Variants in RSU1 observed in about 807,000 individuals in gnomAD.
RSU1 encodes rsu-1.
RSU1 carries 26 observed loss-of-function variants against 31.1 expected under a neutral mutation model. That is an observed-to-expected ratio of 0.84 (90% CI 0.61 to 1.16). RSU1 has a LOEUF of 1.16. Among genes scored for constraint, RSU1 ranks in the 50% most tolerant of loss-of-function variants. RSU1 has a pLI of 0.00. For missense variants in RSU1, 320 were observed against 339.1 expected (o/e 0.94, Z 0.44); for synonymous variants, 164 against 136.3 (o/e 1.20, Z -1.41).
Position 16,645,970 on chromosome 10 carries a change from ATATATG to A in RSU1, c.731+49047_731+49052del, listed in dbSNP as rs1564298466. On this transcript the variant is annotated intron_variant, in intron 8 of 8. Coordinates refer to ENST00000345264, the MANE Select transcript of RSU1 (RefSeq NM_012425.4). ...TATGTGTATATACATATATGTGTATATATATGTGTATATACATATATGTGTATATAT... is the reference window on the plus strand; with the variant it reads ...TATGTGTATATACATATATGTGTATATGTATATACATATATGTGTATATAT... Among the ~76,000 whole-genome samples the A allele has an allele frequency of 1.8e-4, 14 of 76,910 alleles. 4 individuals carry two copies. The highest frequency in any genetic ancestry group is 7.1e-4 in the African/African-American group (9 of 12,624). The allele number at this position is 76,910 out of a possible 152,430, so 50.5% of individuals were successfully genotyped here.
intron 7 of RSU1, among the ~76,000 whole-genome samples, chr10:16,745,081 G>A (rs1003201603): frequency 6.6e-6 from 1 of 152,198 alleles, no homozygotes; most frequent in Non-Finnish European, 1.5e-5. Context: ...CCTGTCAAAA[G>A]GGTGGGGCTG....
chr10:16,695,158 G>GGGGA lies in RSU1; in HGVS notation c.599-4_599-3insTCCC. 3 of 847,688 alleles carry GGGGA rather than the reference G, an allele frequency of 3.5e-6. No homozygotes were observed. The highest frequency in any genetic ancestry group is 4.9e-6 in the Non-Finnish European group (3 of 609,508). The allele number at this position is 847,688 out of a possible 1,614,324, so 52.5% of individuals were successfully genotyped here. A position where few individuals can be genotyped will look rare whatever the true frequency, so the allele number is the denominator to read the frequency against. On this transcript the variant is annotated splice_polypyrimidine_tract_variant and splice_region_variant and intron_variant, in intron 7 of 8. Transcript: ENST00000345264. Reference sequence around the variant, plus strand: ...CTGGCCAGTTAAATCCAAGTTTCCTGGGGGGGGGGAAAAAAAAAGTGAAGG... The same window carrying GGGGA: ...CTGGCCAGTTAAATCCAAGTTTCCTGGGGAGGGGGGGGGAAAAAAAAAGTGAAGG...
rs934893649 is a variant in RSU1, at chr10:16,593,099, A to G, written c.*295T>C. 3 of 276,562 alleles carry G rather than the reference A, an allele frequency of 1.1e-5. No homozygotes were observed. The highest frequency in any genetic ancestry group is 2.0e-5 in the Non-Finnish European group (3 of 148,534). 17.1% of individuals were successfully genotyped at this position (276,562 alleles called of 1,614,324 possible). On this transcript the variant is annotated 3_prime_UTR_variant, in exon 9 of 9. Transcript: ENST00000345264. The stretch of plus-strand genomic sequence containing the variant: ...TCTTTTGATAATAAGCAACCTTGTG[A>G]TATCTATTCAAGAAAAGCCAGAGCC...
chr10:16,665,776 A>C (rs866828165), intron 8 of RSU1, among the ~76,000 whole-genome samples: 1 of 152,248 alleles, frequency 6.6e-6, no homozygotes, highest in Non-Finnish European at 1.5e-5. Context: ...CTGACACTGA[A>C]GATATTCCAC....
rs570084291 is a variant in RSU1 at position 16,669,723 on chromosome 10, C to G, written c.731+25300G>C. 3.3e-5 allele frequency among the ~76,000 whole-genome samples: 5 copies of G among 152,308 alleles called. No homozygotes were observed. In the East Asian group the frequency reaches 9.7e-4, roughly 29 times the overall value. On this transcript the variant is annotated intron_variant, in intron 8 of 8. Transcript: ENST00000345264. ...GTTAGTTTGCTGAGGATAATGGCTT[C>G]CAGCTCCATCCGTGTCCCTGCAAAG... is the stretch of plus-strand genomic sequence containing the variant.
At chr10:16,717,350 C>T (rs1836164909) in intron 7 of RSU1, among the ~76,000 whole-genome samples, 1 of 152,140 alleles carries the variant, frequency 6.6e-6, no homozygotes, top group African/African-American at 2.4e-5. Flanking sequence ...AAAACTGCAA[C>T]AACTGTAACT....
At chr10:16,620,556 T>TA (rs148278416) in intron 8 of RSU1, among the ~76,000 whole-genome samples, 23,477 of 133,802 alleles carry the variant, frequency 0.18, 5,183 homozygotes, top group African/African-American at 0.52. Flanking sequence ...TACAAAATGT[T>TA]AAAAAAAAAA....
intron 8 of RSU1, among the ~76,000 whole-genome samples, chr10:16,621,266 A>G (rs1834065283): frequency 1.3e-5 from 2 of 152,300 alleles, no homozygotes; most frequent in Admixed American, 6.5e-5. Context: ...TGCACAGGAC[A>G]TCCTGGCCCA....
At position 16,625,248 on chromosome 10, in the gene RSU1, G is replaced by A. The variant is rs139476689; in HGVS notation, c.732-31752C>T. On this transcript the variant is annotated intron_variant, in intron 8 of 8. Transcript: ENST00000345264. ...TGAGCCAGACTGGACTTGGGAAGCA[G>A]ACTCTCTCCCAGTCACCAACTGGGA... Among the ~76,000 whole-genome samples the A allele has an allele frequency of 2.6e-5, 4 of 152,256 alleles. No individual in the cohort carries two copies. The East Asian group carries it at 7.7e-4, about 29-fold the overall frequency.
chr10:16,639,381 T>C (rs1211998620), intron 8 of RSU1, among the ~76,000 whole-genome samples: 1 of 152,250 alleles, frequency 6.6e-6, no homozygotes, highest in Non-Finnish European at 1.5e-5. Context: ...CTTACTATTA[T>C]ATCTTCTAAT....
rs769955239 is a variant in RSU1, at chr10:16,764,527, G to T, written c.161-17C>A. 89 of 1,609,368 alleles carry T rather than the reference G, an allele frequency of 5.5e-5. No homozygotes were observed. The highest frequency in any genetic ancestry group is 6.1e-5 in the Non-Finnish European group (72 of 1,177,624). On this transcript the variant is annotated splice_polypyrimidine_tract_variant and intron_variant, in intron 3 of 8. Transcript: ENST00000345264. The stretch of plus-strand genomic sequence containing the variant: ...GTGGCACCACTATGGAAACAAAAAT[G>T]CTGAGTGTGAATCTGGGAATGGAAC...
intron 8 of RSU1, among the ~76,000 whole-genome samples, chr10:16,684,292 G>A (rs1220988192): frequency 6.6e-6 from 1 of 152,160 alleles, no homozygotes; most frequent in Non-Finnish European, 1.5e-5. Flanking sequence ...AGATTGGAAA[G>A]TAAGTCAGGA....
intron 3 of RSU1, among the ~76,000 whole-genome samples, chr10:16,776,808 T>A (rs10904803): frequency 0.24 from 33,153 of 139,282 alleles, 3,829 homozygotes; most frequent in African/African-American, 0.31. Flanking sequence ...TCACAAAATT[T>A]AAAAAAAAAA....
At chr10:16,803,813 C>T (rs1038852923) in intron 2 of RSU1, among the ~76,000 whole-genome samples, 5 of 152,158 alleles carry the variant, frequency 3.3e-5, no homozygotes, top group African/African-American at 9.6e-5. Flanking sequence ...GACCTAACAT[C>T]GTTCACAAAA....
intron 3 of RSU1, among the ~76,000 whole-genome samples, chr10:16,772,236 G>A (rs543225491): frequency 2.9e-4 from 44 of 152,310 alleles, no homozygotes; most frequent in African/African-American, 1.0e-3. Context: ...ATGCAAAAAT[G>A]TATGTTCCTG....
intron 8 of RSU1, among the ~76,000 whole-genome samples, chr10:16,689,295 T>A (rs1835497408): frequency 6.6e-6 from 1 of 152,234 alleles, no homozygotes; most frequent in African/African-American, 2.4e-5. Flanking sequence ...AAGTTTTTCT[T>A]AGAGATAATT....
chr10:16,625,677 C>A (rs917556628), intron 8 of RSU1, among the ~76,000 whole-genome samples: 3 of 152,158 alleles, frequency 2.0e-5, no homozygotes, highest in Admixed American at 6.5e-5. Context: ...AAATTATTTG[C>A]TCACCTTACT....
chr10:16,692,789 A>G (rs1209752319), intron 8 of RSU1, among the ~76,000 whole-genome samples: 1 of 152,224 alleles, frequency 6.6e-6, no homozygotes, highest in Non-Finnish European at 1.5e-5. Flanking sequence ...TTATGAAACA[A>G]TTAATACACA....
At chr10:16,721,139 G>A (rs1161404867) in intron 7 of RSU1, among the ~76,000 whole-genome samples, 1 of 152,162 alleles carries the variant, frequency 6.6e-6, no homozygotes, top group African/African-American at 2.4e-5. Flanking sequence ...TGGTCTAGTG[G>A]TTCATATGGA....
Sources: gnomAD v4.1 joint callset for allele counts (sites outside exome capture counted in the v4.1 genomes callset) on GRCh38, gnomAD v4.1.1 for gene constraint, MANE v1.5 for transcripts, NCBI Gene and HGNC (gene_info 2026-07-23, HGNC 2026-07-21) for gene names.